LAMP5: variants seen among roughly 807,000 people sequenced by gnomAD.
LAMP5 encodes the protein lysosome associated membrane protein 5, also known as lysosome-associated membrane glycoprotein 5.
Under a neutral mutation model 30.2 loss-of-function variants are expected in LAMP5, and 36 were observed. That is an observed-to-expected ratio of 1.19 (90% CI 0.91 to 1.57). LAMP5 has a LOEUF of 1.57. Ranked by LOEUF, LAMP5 falls within the 40% of genes most tolerant of loss-of-function variation. The pLI is 0.00. For missense variants in LAMP5, 377 were observed against 354.9 expected (o/e 1.06, Z -0.50); for synonymous variants, 149 against 134.6 (o/e 1.11, Z -0.74).
At position 9,514,923 on chromosome 20, in the gene LAMP5, A is replaced by G. The variant is rs1385084600; in HGVS notation, c.64+7A>G. 1.2e-6 allele frequency: 2 copies of G among 1,614,020 alleles called. No individual in the cohort carries two copies. Among genetic ancestry groups the G allele is most frequent in the Admixed American group, 3.3e-5 (2 of 60,022 alleles). On this transcript the variant is annotated splice_region_variant and intron_variant, in intron 1 of 5. Transcript: ENST00000246070. ...GTTCTCCTGATGTTGTTCCGTGAGTAGCGATTTGGCGACTGGGAGAGAGGA... is the reference window on the plus strand; with the variant it reads ...GTTCTCCTGATGTTGTTCCGTGAGTGGCGATTTGGCGACTGGGAGAGAGGA...
chr20:9,521,871 T>G (rs1010198541), intron 5 of LAMP5, among the ~76,000 whole-genome samples: 10 of 152,212 alleles, frequency 6.6e-5, no homozygotes, highest in African/African-American at 2.2e-4. Flanking sequence ...TTCCCTTTAT[T>G]CAGGATTCAG....
Position 9,516,249 on chromosome 20 carries a change from T to A in LAMP5, c.370-7T>A. The A allele has an allele frequency of 6.2e-7, 1 of 1,613,910 alleles. No individual in the cohort carries two copies. ...GACGATTGAAGCGCACCTCCCCGGC[T>A]CAACAGGAAAGCCACAACATGTCCA... On this transcript the variant is annotated splice_region_variant and splice_polypyrimidine_tract_variant and intron_variant, in intron 3 of 5. Coordinates refer to ENST00000246070, the MANE Select transcript of LAMP5 (RefSeq NM_012261.4).
At chr20:9,515,926 G>A in intron 2 of LAMP5, 74 bp from the exon 3 acceptor site, 5 of 1,418,154 alleles carry the variant, frequency 3.5e-6, no homozygotes, top group Non-Finnish European at 2.8e-6. Context: ...CCCAGAGTTT[G>A]GACGCGCCGC....
intron 1 of LAMP5, among the ~76,000 whole-genome samples, 193 bp from the exon 2 acceptor site, chr20:9,515,260 A>G (rs1478252158): frequency 6.6e-6 from 1 of 152,024 alleles, no homozygotes; most frequent in South Asian, 2.1e-4. Context: ...TTTTAACTGT[A>G]TTTTCATTAT....
At chr20:9,516,963 C>T (rs965039433) in intron 4 of LAMP5, among the ~76,000 whole-genome samples, 1 of 152,184 alleles carries the variant, frequency 6.6e-6, no homozygotes, top group Non-Finnish European at 1.5e-5. Context: ...GTTCATCCCC[C>T]AAATAACAAT....
chr20:9,516,877 G>A (rs1277237071), intron 4 of LAMP5, among the ~76,000 whole-genome samples: 4 of 152,102 alleles, frequency 2.6e-5, no homozygotes, highest in Non-Finnish European at 5.9e-5. Context: ...AGTGGATTCT[G>A]CACCATGTAT....
chr20:9,514,744 G>T lies in LAMP5; in HGVS notation c.-109G>T. On this transcript the variant is annotated 5_prime_UTR_variant, in exon 1 of 6. Coordinates refer to ENST00000246070, the MANE Select transcript of LAMP5 (RefSeq NM_012261.4). ...CGCGCTCCCTCCCTCCCCCTTCTCT[G>T]TCCCCCGCCTCTCGCTCACCCCGGC... The T allele has an allele frequency of 1.1e-6, 1 of 939,844 alleles. No homozygotes were observed. Among genetic ancestry groups the T allele is most frequent in the Middle Eastern group, 2.3e-4 (1 of 4,398 alleles). The allele number at this position is 939,844 out of a possible 1,614,324, so 58.2% of individuals were successfully genotyped here. A position where few individuals can be genotyped will look rare whatever the true frequency, so the allele number is the denominator to read the frequency against.
chr20:9,514,722 G>C lies in LAMP5; in HGVS notation c.-131G>C, dbSNP rs971271616. The C allele has an allele frequency of 5.4e-6, 4 of 735,466 alleles. No individual in the cohort carries two copies. Among genetic ancestry groups the C allele is most frequent in the South Asian group, 5.2e-5 (3 of 57,504 alleles). The allele number at this position is 735,466 out of a possible 1,614,324, so 45.6% of individuals were successfully genotyped here. A position where few individuals can be genotyped will look rare whatever the true frequency, so the allele number is the denominator to read the frequency against. ...CTAGCTAGGCGCTCACAGAATACGC[G>C]CTCCCTCCCTCCCCCTTCTCTGTCC... On this transcript the variant is annotated 5_prime_UTR_variant, in exon 1 of 6. Coordinates refer to ENST00000246070, the MANE Select transcript of LAMP5 (RefSeq NM_012261.4).
intron 1 of LAMP5, among the ~76,000 whole-genome samples, 187 bp from the exon 2 acceptor site, chr20:9,515,266 A>G (rs906554043): frequency 7.9e-5 from 12 of 152,172 alleles, no homozygotes; most frequent in Non-Finnish European, 7.3e-5. Flanking sequence ...CTGTATTTTC[A>G]TTATAAATTA....
intron 2 of LAMP5, 54 bp from the exon 3 acceptor site, chr20:9,515,946 C>G: frequency 6.9e-7 from 1 of 1,442,874 alleles, no homozygotes; most frequent in Non-Finnish European, 9.1e-7. Context: ...CCCTTTACAG[C>G]CCCCGCCCCG....
chr20:9,529,600 G>C, intron 5 of LAMP5, 42 bp from the exon 6 acceptor site: 2 of 1,583,088 alleles, frequency 1.3e-6, no homozygotes, highest in Non-Finnish European at 1.7e-6. Context: ...GATTCAGGAT[G>C]TTTTGACCAG....
chr20:9,516,898 C>A (rs1241592345), intron 4 of LAMP5, among the ~76,000 whole-genome samples: 1 of 152,128 alleles, frequency 6.6e-6, no homozygotes, highest in African/African-American at 2.4e-5. Context: ...AATTTACTAG[C>A]GTTTCTGGCC....
At chr20:9,524,160 C>T (rs1177442785) in intron 5 of LAMP5, among the ~76,000 whole-genome samples, 1 of 152,138 alleles carries the variant, frequency 6.6e-6, no homozygotes, top group African/African-American at 2.4e-5. Flanking sequence ...TAAGGAAATA[C>T]ATATATTGCT....
intron 5 of LAMP5, among the ~76,000 whole-genome samples, chr20:9,528,396 A>G (rs1228391973): frequency 6.6e-6 from 1 of 151,996 alleles, no homozygotes; most frequent in Admixed American, 6.6e-5. Context: ...TAGTTAGATA[A>G]GAATAAGTTC....
Position 9,514,685 on chromosome 20 carries a change from C to T in LAMP5, c.-168C>T, listed in dbSNP as rs530959061. On this transcript the variant is annotated 5_prime_UTR_variant, in exon 1 of 6. Transcript: ENST00000246070. ...TGCCAGCAGCTGTCGGTGCCGCGCT[C>T]GACACCGAGTCCTAGCTAGGCGCTC... is the stretch of plus-strand genomic sequence containing the variant. 1.6e-6 allele frequency: 1 copy of T among 610,124 alleles called. No individual in the cohort carries two copies. The highest frequency in any genetic ancestry group is 2.9e-6 in the Non-Finnish European group (1 of 345,052). The allele number at this position is 610,124 out of a possible 1,614,324, so 37.8% of individuals were successfully genotyped here.
chr20:9,516,068 C>T lies in LAMP5; in HGVS notation c.306C>T (p.Ser102=), dbSNP rs777973130. 1.9e-6 allele frequency: 3 copies of T among 1,546,456 alleles called. No individual in the cohort carries two copies. The highest frequency in any genetic ancestry group is 2.6e-6 in the Non-Finnish European group (3 of 1,152,976). The change falls in exon 3 of 6, where the codon AGC becomes AGT. Residue 102 remains serine (S), a synonymous_variant. Coordinates refer to ENST00000246070, the MANE Select transcript of LAMP5 (RefSeq NM_012261.4). ...AGGTGAAGGGCCGCTGTGGCCACAG[C>T]CAGTCGGAGCTGCAAGTGTTCTGGG... is the stretch of plus-strand genomic sequence containing the variant. ...GAEVKGRCGH[S]QSELQVFWVD...
In LAMP5 at chr20:9,526,033, G is replaced by A. The variant is rs1307107285; in HGVS notation, c.665-3609G>A. On this transcript the variant is annotated intron_variant, in intron 5 of 5. Transcript: ENST00000246070. Reference sequence around the variant, plus strand: ...TGGGTAACTATGAAATTGCTCTGCAGGGGAGAGAGTTAAGAAGGGAAGAGA... The same window carrying A: ...TGGGTAACTATGAAATTGCTCTGCAAGGGAGAGAGTTAAGAAGGGAAGAGA... Among the ~76,000 whole-genome samples, 3 of 152,312 alleles carry A rather than the reference G, an allele frequency of 2.0e-5. No homozygotes were observed. In the East Asian group the frequency reaches 5.8e-4, roughly 29 times the overall value.
At chr20:9,524,222 G>C (rs1170126220) in intron 5 of LAMP5, among the ~76,000 whole-genome samples, 2 of 152,012 alleles carry the variant, frequency 1.3e-5, no homozygotes, top group Non-Finnish European at 2.9e-5. Context: ...ACTTTCCCTT[G>C]TAATTGTATG....
intron 5 of LAMP5, among the ~76,000 whole-genome samples, chr20:9,519,894 G>C (rs1268391551): frequency 1.3e-5 from 2 of 152,162 alleles, no homozygotes; most frequent in African/African-American, 4.8e-5. Context: ...TTATTTTTAA[G>C]TCGTTGTTTA....
Sources: allele counts gnomAD v4.1 joint callset (sites outside exome capture counted in the v4.1 genomes callset), GRCh38; gene constraint gnomAD v4.1.1; transcripts MANE v1.5; gene names NCBI Gene and HGNC (gene_info 2026-07-23, HGNC 2026-07-21).